IL1RAPL2: variants seen among roughly 807,000 people sequenced by gnomAD.
IL1RAPL2 encodes the protein interleukin 1 receptor accessory protein like 2.
A neutral mutation model predicts 44.1 loss-of-function variants in IL1RAPL2; 3 were observed. The ratio of observed to expected loss-of-function variants is 0.07; its 90% CI spans 0.03 to 0.18. The LOEUF (loss-of-function observed/expected upper bound fraction) is 0.18, where lower values mean the gene tolerates loss of function less well. IL1RAPL2 is among the 10% of genes least tolerant of loss of function. The probability of loss-of-function intolerance (pLI) is 1.00; values close to 1 mark genes in which losing one functional copy is unlikely to be tolerated. For synonymous variants in IL1RAPL2, 181 were observed against 178.8 expected (o/e 1.01, Z -0.10); for missense variants, 391 against 496.4 (o/e 0.79, Z 2.02).
intron 2 of IL1RAPL2, among the ~76,000 whole-genome samples, chrX:104,949,270 T>G (rs1384329029): frequency 9.1e-6 from 1 of 110,477 alleles, no homozygotes; most frequent in Non-Finnish European, 1.9e-5. Flanking sequence ...TGATATCCCC[T>G]TTATCATTTT....
At chrX:105,340,784 C>G (rs1002568453) in intron 5 of IL1RAPL2, among the ~76,000 whole-genome samples, 3 of 112,226 alleles carry the variant, frequency 2.7e-5, no homozygotes, top group Non-Finnish European at 3.8e-5. Flanking sequence ...CCACCTTACT[C>G]TGATCTAGGC....
At chrX:105,403,692 C>T (rs185193987) in intron 5 of IL1RAPL2, among the ~76,000 whole-genome samples, 45 of 111,399 alleles carry the variant, frequency 4.0e-4, no homozygotes, top group African/African-American at 1.4e-3. Flanking sequence ...GCTATGTGAC[C>T]TTCAGATCCC....
intron 6 of IL1RAPL2, among the ~76,000 whole-genome samples, chrX:105,714,056 T>G (rs1214762084): frequency 9.0e-6 from 1 of 111,485 alleles, no homozygotes; most frequent in Non-Finnish European, 1.9e-5. Flanking sequence ...AGCTCTGCAT[T>G]CCATAAGCCC....
intron 4 of IL1RAPL2, among the ~76,000 whole-genome samples, chrX:105,239,780 G>A (rs1049103253): frequency 7.2e-5 from 8 of 111,095 alleles, no homozygotes; most frequent in Middle Eastern, 4.7e-3. Context: ...TGATGTTCTC[G>A]GAAGATCCAG....
intron 2 of IL1RAPL2, among the ~76,000 whole-genome samples, chrX:104,931,861 T>A (rs949291769): frequency 2.7e-5 from 3 of 109,812 alleles, no homozygotes; most frequent in African/African-American, 6.6e-5. Flanking sequence ...AACAGTGGCA[T>A]GCTGCTCTCA....
At chrX:105,477,764 A>G (rs2036207557) in intron 5 of IL1RAPL2, among the ~76,000 whole-genome samples, 1 of 111,463 alleles carries the variant, frequency 9.0e-6, no homozygotes, top group Non-Finnish European at 1.9e-5. Flanking sequence ...GCAGTCTGTA[A>G]TACTTGTACA....
chrX:105,232,248 A>G (rs112471188), intron 3 of IL1RAPL2, among the ~76,000 whole-genome samples: 7 of 111,757 alleles, frequency 6.3e-5, no homozygotes, highest in African/African-American at 2.3e-4. Context: ...TAAACCCAAG[A>G]GGCATCGCCA....
At chrX:105,322,089 G>A (rs1432048218) in intron 5 of IL1RAPL2, among the ~76,000 whole-genome samples, 2 of 112,662 alleles carry the variant, frequency 1.8e-5, no homozygotes, top group Admixed American at 1.9e-4. Flanking sequence ...TCTGTTTAGG[G>A]AATTGGTATG....
chrX:105,526,979 G>A (rs1040928299), intron 6 of IL1RAPL2, among the ~76,000 whole-genome samples: 7 of 111,488 alleles, frequency 6.3e-5, no homozygotes, highest in Non-Finnish European at 1.1e-4. Context: ...ATAAGGTTGA[G>A]CAAGATGTAT....
At chrX:105,006,527 C>G (rs1416915324) in intron 2 of IL1RAPL2, among the ~76,000 whole-genome samples, 1 of 110,984 alleles carries the variant, frequency 9.0e-6, no homozygotes, top group Non-Finnish European at 1.9e-5. Flanking sequence ...ATGTAACTTT[C>G]TCAGGATATT....
In IL1RAPL2 at chrX:105,342,813, G is replaced by T. The variant is rs775413017; in HGVS notation, c.697+75272G>T. Among the ~76,000 whole-genome samples the T allele has an allele frequency of 2.7e-5, 3 of 111,960 alleles. No homozygotes were observed. In the South Asian group the frequency reaches 1.1e-3, roughly 42 times the overall value. ...TTTATTGATTAATGAGAAATAAGAA[G>T]CATGTTGCAATTAAATTTAACTTGT... On this transcript the variant is annotated intron_variant, in intron 5 of 10. Coordinates refer to ENST00000372582, the MANE Select transcript of IL1RAPL2 (RefSeq NM_017416.2).
chrX:105,711,534 G>A (rs1160278863), intron 6 of IL1RAPL2, among the ~76,000 whole-genome samples: 3 of 111,519 alleles, frequency 2.7e-5, no homozygotes, highest in African/African-American at 9.8e-5. Flanking sequence ...TTCAACATGA[G>A]CTTTGGAGGA....
intron 2 of IL1RAPL2, among the ~76,000 whole-genome samples, chrX:104,860,412 A>G (rs1190052422): frequency 9.0e-6 from 1 of 111,363 alleles, no homozygotes; most frequent in Non-Finnish European, 1.9e-5. Flanking sequence ...CTCCTTCTCA[A>G]TTTGAAACAT....
Position 104,597,585 on chromosome X carries a change from T to C in IL1RAPL2, c.-20+30534T>C, listed in dbSNP as rs1928791637. On this transcript the variant is annotated intron_variant, in intron 1 of 10. Transcript: ENST00000372582. ...GGATATATGCCATGAAGAAGAAGAGTTTGGGATGACTTTGAAGCTTCTAGC... is the reference window on the plus strand; with the variant it reads ...GGATATATGCCATGAAGAAGAAGAGCTTGGGATGACTTTGAAGCTTCTAGC... 2.7e-5 allele frequency among the ~76,000 whole-genome samples: 3 copies of C among 110,685 alleles called. No homozygotes were observed. The South Asian group carries it at 1.2e-3, about 42-fold the overall frequency.
chrX:104,857,793 G>A (rs951706210), intron 2 of IL1RAPL2, among the ~76,000 whole-genome samples: 8 of 110,431 alleles, frequency 7.2e-5, no homozygotes, highest in African/African-American at 2.6e-4. Flanking sequence ...ATTAATCAGC[G>A]CTGCCATATG....
intron 6 of IL1RAPL2, among the ~76,000 whole-genome samples, chrX:105,618,056 G>A (rs1270093093): frequency 1.8e-5 from 2 of 110,174 alleles, no homozygotes; most frequent in African/African-American, 6.6e-5. Flanking sequence ...CTTAATGTAT[G>A]TGTCCATTTT....
intron 7 of IL1RAPL2, among the ~76,000 whole-genome samples, chrX:105,731,274 G>A (rs1462285254): frequency 1.8e-5 from 2 of 109,910 alleles, no homozygotes; most frequent in Non-Finnish European, 3.8e-5. Context: ...AAAACCTAGG[G>A]GAAATGGATA....
At chrX:105,309,074 G>T (rs746368766) in intron 5 of IL1RAPL2, among the ~76,000 whole-genome samples, 1 of 109,839 alleles carries the variant, frequency 9.1e-6, no homozygotes, top group African/African-American at 3.3e-5. Flanking sequence ...TGCCCTTGTC[G>T]CCCAGGCTGG....
intron 2 of IL1RAPL2, among the ~76,000 whole-genome samples, chrX:105,143,628 A>T (rs1226056839): frequency 8.9e-6 from 1 of 112,484 alleles, no homozygotes; most frequent in Non-Finnish European, 1.9e-5. Flanking sequence ...TCATGCTGCT[A>T]TAAAGACACA....
Sources: gnomAD v4.1 joint callset for allele counts (sites outside exome capture counted in the v4.1 genomes callset) on GRCh38, gnomAD v4.1.1 for gene constraint, MANE v1.5 for transcripts, NCBI Gene and HGNC (gene_info 2026-07-23, HGNC 2026-07-21) for gene names.